CXADR: variants seen among roughly 807,000 people sequenced by gnomAD.
CXADR encodes coxsackievirus and adenovirus receptor.
A neutral mutation model predicts 40.3 loss-of-function variants in CXADR; 20 were observed. The ratio of observed to expected loss-of-function variants is 0.50; its 90% CI spans 0.35 to 0.72. The LOEUF is 0.72. Ranked by LOEUF, CXADR falls within the 30% of genes least tolerant of loss-of-function variation. The pLI is 0.01. For missense variants in CXADR, 332 were observed against 449.1 expected (o/e 0.74, Z 2.36); for synonymous variants, 150 against 161.3 (o/e 0.93, Z 0.53).
chr21:17,538,821 AAAAT>A (rs1409967594), intron 1 of CXADR, among the ~76,000 whole-genome samples: 1 of 152,154 alleles, frequency 6.6e-6, no homozygotes. Context: ...CTGTTTCAAA[AAAAT>A]AGATAAATAA....
At chr21:17,558,005 G>T (rs577161212) in intron 3 of CXADR, among the ~76,000 whole-genome samples, 2 of 152,190 alleles carry the variant, frequency 1.3e-5, no homozygotes, top group East Asian at 3.8e-4. Flanking sequence ...CAGGATTGGG[G>T]TGAGTTGCAG....
chr21:17,563,445 G>T (rs2061151908), intron 6 of CXADR, among the ~76,000 whole-genome samples: 1 of 151,810 alleles, frequency 6.6e-6, no homozygotes, highest in African/African-American at 2.4e-5. Context: ...TGTTGGGGGG[G>T]ATGGCCAGAA....
At position 17,565,999 on chromosome 21, in the gene CXADR, G is replaced by A. The variant is rs2061203931; in HGVS notation, c.*307G>A. ...TAGCGCTTTGAATATGAAATCATAG[G>A]TGAAGACATGGGTGAACTTACTTGC... On this transcript the variant is annotated 3_prime_UTR_variant, in exon 7 of 7. Transcript: ENST00000284878. The A allele has an allele frequency of 2.9e-6, 3 of 1,025,566 alleles. No homozygotes were observed. Among genetic ancestry groups the A allele is most frequent in the Non-Finnish European group, 3.5e-6 (3 of 856,008 alleles). 63.5% of individuals were successfully genotyped at this position (1,025,566 alleles called of 1,614,324 possible). A position where few individuals can be genotyped will look rare whatever the true frequency, so the allele number is the denominator to read the frequency against.
chr21:17,571,154 G>A (rs371396668), downstream of CXADR, among the ~76,000 whole-genome samples: 4 of 152,254 alleles, frequency 2.6e-5, no homozygotes, highest in Non-Finnish European at 4.4e-5. Flanking sequence ...TCTACTCGGC[G>A]ATTAAAAGGT....
chr21:17,565,282 GACACACACACAC>G (rs6147430), intron 6 of CXADR, 134 bp from the exon 7 acceptor site: 72,185 of 802,976 alleles, frequency 0.09, 5,912 homozygotes, highest in African/African-American at 0.41. Context: ...GCTTTTTTGT[GACACACACACAC>G]ACACACACAC....
At chr21:17,599,726 C>G in the CXADR span, among the ~76,000 whole-genome samples, 1 of 152,098 alleles carries the variant, frequency 6.6e-6, no homozygotes, top group Non-Finnish European at 1.5e-5. Context: ...GTGATCCACC[C>G]GCCTCGGCCT....
chr21:17,628,301 C>T, the CXADR span, among the ~76,000 whole-genome samples: 11 of 152,148 alleles, frequency 7.2e-5, no homozygotes, highest in East Asian at 5.8e-4. Flanking sequence ...ATTATGAAAG[C>T]GGGCAAGTCC....
In CXADR at chr21:17,568,395, T is replaced by C. The variant is rs2061241390; in HGVS notation, c.*2703T>C. 1 of 977,158 alleles carries C rather than the reference T, an allele frequency of 1.0e-6. No homozygotes were observed. The highest frequency in any genetic ancestry group is 1.2e-6 in the Non-Finnish European group (1 of 822,588). The allele number at this position is 977,158 out of a possible 1,614,324, so 60.5% of individuals were successfully genotyped here. A position where few individuals can be genotyped will look rare whatever the true frequency, so the allele number is the denominator to read the frequency against. On this transcript the variant is annotated 3_prime_UTR_variant, in exon 7 of 7. Coordinates refer to ENST00000284878, the MANE Select transcript of CXADR (RefSeq NM_001338.5). ...TGCCTGCCTCGGCCTCCCAAAGTGC[T>C]GGGATTACAGGCGTGAACCACTGCA...
intron 7 of CXADR, among the ~76,000 whole-genome samples, chr21:17,592,561 A>C (rs112298938): frequency 1.3e-5 from 2 of 151,874 alleles, no homozygotes; most frequent in Non-Finnish European, 2.9e-5. Context: ...ATCACCTACA[A>C]ATCTGTCATT....
intron 1 of CXADR, chr21:17,519,041 G>A (rs143520124): frequency 3.0e-4 from 407 of 1,353,344 alleles, no homozygotes; most frequent in Non-Finnish European, 3.7e-4. Context: ...ACCAGCACGC[G>A]GCAAGAGCAA....
At chr21:17,528,588 A>G (rs1305430047) in intron 1 of CXADR, among the ~76,000 whole-genome samples, 1 of 150,474 alleles carries the variant, frequency 6.6e-6, no homozygotes, top group East Asian at 2.0e-4. Context: ...TGTATTTTTT[A>G]GTAGAGACGG....
intron 1 of CXADR, among the ~76,000 whole-genome samples, chr21:17,524,575 CAAAAAAAAAAAAA>C (rs71189539): frequency 0.053 from 2,324 of 43,910 alleles, 59 homozygotes; most frequent in Middle Eastern, 0.19. Flanking sequence ...GACTCTATCT[CAAAAAAAAAAAAA>C]AAAAAAAAAA....
chr21:17,605,571 T>C, the CXADR span, among the ~76,000 whole-genome samples: 1 of 152,238 alleles, frequency 6.6e-6, no homozygotes, highest in African/African-American at 2.4e-5. Flanking sequence ...CTAACTAACA[T>C]GTTATTGGCT....
chr21:17,570,141 G>A (rs1325507362), downstream of CXADR: 2 of 985,262 alleles, frequency 2.0e-6, no homozygotes, highest in African/African-American at 3.5e-5. Context: ...CTTTTATACA[G>A]TGTCCACTAA....
At chr21:17,534,803 T>TTTTTTTTTTTTTG (rs397766522) in intron 1 of CXADR, among the ~76,000 whole-genome samples, 1 of 150,606 alleles carries the variant, frequency 6.6e-6, no homozygotes, top group African/African-American at 2.4e-5. Context: ...TTTTTTTTTT[T>TTTTTTTTTTTTTG]GAGAAGGACT....
At chr21:17,559,641 T>A (rs2249338) in intron 4 of CXADR, among the ~76,000 whole-genome samples, 93,104 of 147,286 alleles carry the variant, frequency 0.63, 29,989 homozygotes, top group East Asian at 0.76. Context: ...TTTTTTAGGA[T>A]ATTAGTTACT....
intron 7 of CXADR, among the ~76,000 whole-genome samples, chr21:17,578,956 C>G (rs1273606923): frequency 6.6e-6 from 1 of 152,090 alleles, no homozygotes; most frequent in Non-Finnish European, 1.5e-5. Context: ...CCACATCCCC[C>G]CTTCACCAGA....
At chr21:17,532,709 C>G (rs193072822) in intron 1 of CXADR, among the ~76,000 whole-genome samples, 53 of 152,288 alleles carry the variant, frequency 3.5e-4, no homozygotes, top group African/African-American at 1.3e-3. Flanking sequence ...AAGTATTAGG[C>G]TTATCAGATG....
chr21:17,530,438 T>G (rs760733136), intron 1 of CXADR: 61 of 456,250 alleles, frequency 1.3e-4, no homozygotes, highest in African/African-American at 1.0e-3. Context: ...CTGTGTGATA[T>G]TCTATTATGT....
Sources: allele counts gnomAD v4.1 joint callset (sites outside exome capture counted in the v4.1 genomes callset), GRCh38; gene constraint gnomAD v4.1.1; transcripts MANE v1.5; gene names NCBI Gene and HGNC (gene_info 2026-07-23, HGNC 2026-07-21).